Variants in CAMK2D observed in about 807,000 individuals in gnomAD.
CAMK2D encodes the protein calcium/calmodulin dependent protein kinase II delta.
Under a neutral mutation model 84.0 loss-of-function variants are expected in CAMK2D, and 37 were observed. The ratio of observed to expected loss-of-function variants is 0.44; its 90% CI spans 0.34 to 0.58. The LOEUF is 0.58. Among genes scored for constraint, CAMK2D ranks in the 20% least tolerant of loss-of-function variants. The pLI is 0.02. For synonymous variants in CAMK2D, 202 were observed against 212.5 expected, an observed-to-expected ratio of 0.95 and a Z score of 0.43; for missense variants, 448 against 652.5, an observed-to-expected ratio of 0.69 and a Z score of 3.41.
intron 3 of CAMK2D, among the ~76,000 whole-genome samples, chr4:113,647,263 GC>G (rs1185298849): frequency 2.0e-5 from 3 of 152,170 alleles, no homozygotes; most frequent in Non-Finnish European, 2.9e-5. Context: ...ATCAGACTAT[GC>G]TACCTTGGCT....
At chr4:113,683,349 A>T (rs2099351046) in intron 2 of CAMK2D, among the ~76,000 whole-genome samples, 1 of 152,322 alleles carries the variant, frequency 6.6e-6, no homozygotes, top group East Asian at 1.9e-4. Context: ...ACCGCAGAGC[A>T]GCACTGATGA....
chr4:113,560,958 G>T (rs752022574), intron 4 of CAMK2D, among the ~76,000 whole-genome samples: 2 of 152,232 alleles, frequency 1.3e-5, no homozygotes, highest in African/African-American at 2.4e-5. Context: ...GTGGGTCAGA[G>T]AAACTTTCAT....
intron 2 of CAMK2D, among the ~76,000 whole-genome samples, chr4:113,670,073 G>A (rs756676348): frequency 6.6e-6 from 1 of 152,130 alleles, no homozygotes; most frequent in African/African-American, 2.4e-5. Flanking sequence ...AAGGTCAGGA[G>A]TTCGTGACCA....
At chr4:113,611,397 A>C (rs1281885139) in intron 3 of CAMK2D, among the ~76,000 whole-genome samples, 4 of 152,196 alleles carry the variant, frequency 2.6e-5, no homozygotes, top group Non-Finnish European at 4.4e-5. Context: ...TAAAGAACTC[A>C]TAACAATTAT....
intron 2 of CAMK2D, among the ~76,000 whole-genome samples, chr4:113,663,253 A>T (rs2099242512): frequency 6.6e-6 from 1 of 152,200 alleles, no homozygotes; most frequent in African/African-American, 2.4e-5. Flanking sequence ...AATGCCTCTA[A>T]CAGCAATACC....
intron 4 of CAMK2D, among the ~76,000 whole-genome samples, chr4:113,560,391 G>A (rs1172991422): frequency 1.3e-5 from 2 of 152,244 alleles, no homozygotes; most frequent in East Asian, 3.9e-4. Context: ...AAAGAATCAA[G>A]TTGTAAGCTC....
chr4:113,689,156 G>A (rs1438942233), intron 2 of CAMK2D, among the ~76,000 whole-genome samples: 1 of 152,086 alleles, frequency 6.6e-6, no homozygotes, highest in Non-Finnish European at 1.5e-5. Flanking sequence ...TGAGGCAGGG[G>A]AATTGCTTGA....
chr4:113,534,437 T>G (rs2098476823), intron 7 of CAMK2D, among the ~76,000 whole-genome samples: 1 of 152,200 alleles, frequency 6.6e-6, no homozygotes, highest in Non-Finnish European at 1.5e-5. Context: ...AGATGTTGCT[T>G]CTTTTAAAAG....
intron 16 of CAMK2D, among the ~76,000 whole-genome samples, chr4:113,496,804 GT>G (rs1269221884): frequency 8.6e-6 from 1 of 115,976 alleles, no homozygotes; most frequent in Non-Finnish European, 1.7e-5. Context: ...TTGCTGCTGA[GT>G]TTCCTGACAT....
intron 2 of CAMK2D, 131 bp from the exon 3 acceptor site, chr4:113,661,903 T>C: frequency 3.4e-6 from 2 of 593,034 alleles, no homozygotes; most frequent in South Asian, 4.5e-5. Flanking sequence ...ACAATGATAA[T>C]TCAAATTTAG....
chr4:113,451,777 A>G lies in CAMK2D; in HGVS notation c.*2768T>C, dbSNP rs1478306059. 1 of 152,198 alleles carries G rather than the reference A, an allele frequency of 6.6e-6. No homozygotes were observed. Among genetic ancestry groups the G allele is most frequent in the Non-Finnish European group, 1.5e-5 (1 of 68,048 alleles). 9.4% of individuals were successfully genotyped at this position (152,198 alleles called of 1,614,324 possible). The stretch of plus-strand genomic sequence containing the variant: ...CAAATAGAAATATATTTTCAAAACA[A>G]TGTGGTTGACAGGAGAGGTAAATAC... On this transcript the variant is annotated 3_prime_UTR_variant, in exon 21 of 21. Coordinates refer to ENST00000511664, the MANE Select transcript of CAMK2D (RefSeq NM_001321571.2).
At chr4:113,497,906 T>C (rs1409626570) in intron 16 of CAMK2D, among the ~76,000 whole-genome samples, 1 of 152,200 alleles carries the variant, frequency 6.6e-6, no homozygotes, top group East Asian at 1.9e-4. Flanking sequence ...TTTAAGAATA[T>C]GTCAAAAAGT....
intron 2 of CAMK2D, among the ~76,000 whole-genome samples, chr4:113,664,511 T>C (rs997827309): frequency 6.6e-6 from 1 of 152,178 alleles, no homozygotes; most frequent in Non-Finnish European, 1.5e-5. Context: ...ACAGGACTTG[T>C]TGAGGTAAGG....
intron 2 of CAMK2D, among the ~76,000 whole-genome samples, chr4:113,671,921 T>C (rs1397933699): frequency 6.6e-6 from 1 of 152,238 alleles, no homozygotes; most frequent in East Asian, 1.9e-4. Context: ...GACTATTTCA[T>C]CCTAAATATA....
chr4:113,524,225 T>A (rs1270997238), intron 8 of CAMK2D, among the ~76,000 whole-genome samples: 1 of 152,202 alleles, frequency 6.6e-6, no homozygotes, highest in Non-Finnish European at 1.5e-5. Flanking sequence ...ATTTACACTG[T>A]CATGAAACAG....
chr4:113,505,297 T>A (rs1364275594), intron 13 of CAMK2D, among the ~76,000 whole-genome samples: 1 of 152,212 alleles, frequency 6.6e-6, no homozygotes, highest in African/African-American at 2.4e-5. Flanking sequence ...AACAAAGAGC[T>A]GCTTCAGTGG....
In CAMK2D at chr4:113,595,989, T is replaced by C. The variant is rs1317534844; in HGVS notation, c.275+13163A>G. ...CATGTGATGCTGTTTGATAGCATTT[T>C]ACCCATAGGAGAACTTCTTTCAAAA... On this transcript the variant is annotated intron_variant, in intron 4 of 20. Coordinates refer to ENST00000511664, the MANE Select transcript of CAMK2D (RefSeq NM_001321571.2). Among the ~76,000 whole-genome samples, 46 of 152,254 alleles carry C rather than the reference T, an allele frequency of 3.0e-4. 2 individuals carry two copies. Among genetic ancestry groups the C allele is most frequent in the Admixed American group, 3.0e-3 (46 of 15,286 alleles).
intron 2 of CAMK2D, among the ~76,000 whole-genome samples, chr4:113,727,360 T>C (rs979920278): frequency 1.3e-5 from 2 of 152,294 alleles, no homozygotes; most frequent in Admixed American, 1.3e-4. Context: ...GATATACAAA[T>C]TTATCAGTAC....
intron 4 of CAMK2D, among the ~76,000 whole-genome samples, chr4:113,555,402 C>A (rs941132747): frequency 6.6e-6 from 1 of 152,072 alleles, no homozygotes; most frequent in Non-Finnish European, 1.5e-5. Flanking sequence ...TAAGGTAGGA[C>A]TGGGACTAAC....
Sources: allele counts gnomAD v4.1 joint callset (sites outside exome capture counted in the v4.1 genomes callset), GRCh38; gene constraint gnomAD v4.1.1; transcripts MANE v1.5; gene names NCBI Gene and HGNC (gene_info 2026-07-23, HGNC 2026-07-21).